Variants in LRRK2 observed in about 807,000 individuals in gnomAD.
The protein encoded by LRRK2 is leucine-rich repeat serine/threonine-protein kinase 2.
LRRK2 carries 203 observed loss-of-function variants against 302.6 expected under a neutral mutation model. That is an observed-to-expected ratio of 0.67 (90% CI 0.60 to 0.75). The LOEUF is 0.75. LRRK2 is among the 30% of genes least tolerant of loss of function. The pLI is 0.00. For missense variants in LRRK2, 2,830 were observed against 2,951.0 expected, an observed-to-expected ratio of 0.96 and a Z score of 0.95; for synonymous variants, 1,066 against 1,031.9, an observed-to-expected ratio of 1.03 and a Z score of -0.63.
intron 40 of LRRK2, 61 bp from the exon 41 acceptor site, chr12:40,340,233 G>A: frequency 1.9e-6 from 3 of 1,560,076 alleles, no homozygotes; most frequent in Non-Finnish European, 2.6e-6. Context: ...AAGGAAATTA[G>A]GACAAAAATT....
At chr12:40,312,988 TG>T (rs1439435340) in intron 31 of LRRK2, 1 of 100,246 alleles carries the variant, frequency 1.0e-5, no homozygotes, top group Non-Finnish European at 2.1e-5. Flanking sequence ...CAGGTAAATA[TG>T]GAAGTAATGG....
intron 25 of LRRK2, among the ~76,000 whole-genome samples, chr12:40,302,039 A>G (rs1480982682): frequency 1.3e-5 from 2 of 151,944 alleles, no homozygotes; most frequent in African/African-American, 2.4e-5. Flanking sequence ...TTAGCTGGAC[A>G]TGATGGCACC....
intron 10 of LRRK2, among the ~76,000 whole-genome samples, chr12:40,252,185 T>C (rs1321756615): frequency 6.6e-6 from 1 of 152,230 alleles, no homozygotes; most frequent in Non-Finnish European, 1.5e-5. Flanking sequence ...ATACTTGTGC[T>C]ATTTGCAATG....
rs553866762 is a variant in LRRK2 at position 40,270,139 on chromosome 12, AT to A, written c.1657-4443del. Among the ~76,000 whole-genome samples, 39 of 152,294 alleles carry A rather than the reference AT, an allele frequency of 2.6e-4. No individual in the cohort carries two copies. The South Asian group carries it at 7.9e-3, about 31-fold the overall frequency. On this transcript the variant is annotated intron_variant, in intron 14 of 50. Coordinates refer to ENST00000298910, the MANE Select transcript of LRRK2 (RefSeq NM_198578.4). The stretch of plus-strand genomic sequence containing the variant: ...GTCAGTATAATGCTTGGCACATAGT[AT>A]GCGCTCAATAAATGTTAATGTTATT...
At chr12:40,270,434 C>T (rs1943183290) in intron 14 of LRRK2, among the ~76,000 whole-genome samples, 1 of 151,976 alleles carries the variant, frequency 6.6e-6, no homozygotes, top group African/African-American at 2.4e-5. Context: ...GTCTGAATTT[C>T]TTTAGAAAAG....
At position 40,304,000 on chromosome 12, in the gene LRRK2, G is replaced by T. The variant is rs143710836; in HGVS notation, c.3643G>T (p.Ala1215Ser). 6.2e-7 allele frequency: 1 copy of T among 1,613,610 alleles called. No homozygotes were observed. ...TGATATTCAGTACCTACCAGGTCCC[G>T]CACACTGGAAATCTTTGAACTTAAG... ...SNDIQYLPGP[A>S]HWKSLNLREL... The change falls in exon 27 of 51, where the codon GCA (alanine) becomes TCA (serine). Residue 1215 changes from alanine to serine, a missense_variant. Physicochemically the swap from Ala to Ser is moderately conservative, Grantham distance 99. Transcript: ENST00000298910.
chr12:40,304,810 G>C (rs1311869140), intron 27 of LRRK2: 1 of 151,788 alleles, frequency 6.6e-6, no homozygotes, highest in Non-Finnish European at 1.5e-5. Context: ...ATGGTAAATG[G>C]ATATGGTAAC....
rs1592256321 is a variant in LRRK2, at chr12:40,302,844, A to G, written c.3552A>G (p.Lys1184=). The change falls in exon 26 of 51, where the codon AAA becomes AAG. Residue 1184 remains lysine, a synonymous_variant. Transcript: ENST00000298910. ...SMTILKLSQN[K]FSCIPEAILN... ...CAATCCTAAAATTATCTCAGAACAAATTTTCCTGTATTCCAGAAGCAATTT... is the reference window on the plus strand; with the variant it reads ...CAATCCTAAAATTATCTCAGAACAAGTTTTCCTGTATTCCAGAAGCAATTT... 1.2e-6 allele frequency: 2 copies of G among 1,610,838 alleles called. No individual in the cohort carries two copies. Among genetic ancestry groups the G allele is most frequent in the African/African-American group, 1.3e-5 (1 of 74,922 alleles).
At chr12:40,301,338 C>A (rs1445467877) in intron 25 of LRRK2, among the ~76,000 whole-genome samples, 1 of 152,096 alleles carries the variant, frequency 6.6e-6, no homozygotes, top group Non-Finnish European at 1.5e-5. Flanking sequence ...GCAGAAGAAT[C>A]GCTTGAACCA....
At chr12:40,315,166 T>G in intron 32 of LRRK2, 46 bp from the exon 33 acceptor site, 2 of 1,476,856 alleles carry the variant, frequency 1.4e-6, no homozygotes, top group East Asian at 2.3e-5. Flanking sequence ...CCCTTGATAT[T>G]TGTTCTAGAT....
intron 20 of LRRK2, among the ~76,000 whole-genome samples, chr12:40,292,811 TATG>T (rs1944209912): frequency 1.3e-5 from 2 of 152,010 alleles, no homozygotes; most frequent in Non-Finnish European, 2.9e-5. Flanking sequence ...TTATCTTTAA[TATG>T]ATTTTTTTAT....
chr12:40,350,669 T>C (rs377079452), intron 43 of LRRK2, among the ~76,000 whole-genome samples: 1 of 152,182 alleles, frequency 6.6e-6, no homozygotes, highest in Non-Finnish European at 1.5e-5. Flanking sequence ...AATGACTTTA[T>C]CAAATATTAC....
chr12:40,232,459 T>G (rs1262865452), intron 3 of LRRK2, 76 bp downstream of exon 3: 2 of 1,048,170 alleles, frequency 1.9e-6, no homozygotes, highest in East Asian at 2.4e-5. Context: ...CTTGATACAC[T>G]GTGTTTGCAA....
chr12:40,317,497 C>A (rs1336563262), intron 33 of LRRK2, among the ~76,000 whole-genome samples: 1 of 152,002 alleles, frequency 6.6e-6, no homozygotes, highest in East Asian at 1.9e-4. Flanking sequence ...TGAGCCCACC[C>A]ACTCTATGCG....
intron 35 of LRRK2, 23 bp from the exon 36 acceptor site, chr12:40,322,012 T>A: frequency 6.2e-7 from 1 of 1,612,652 alleles, no homozygotes; most frequent in Non-Finnish European, 8.5e-7. Flanking sequence ...AAGCAGTTAA[T>A]AATTAATGGC....
intron 23 of LRRK2, among the ~76,000 whole-genome samples, chr12:40,296,672 T>C (rs939202799): frequency 1.3e-5 from 2 of 152,120 alleles, no homozygotes; most frequent in Non-Finnish European, 1.5e-5. Context: ...TTCCCCCTTT[T>C]TAAGCCTAAA....
chr12:40,264,736 C>A lies in LRRK2; in HGVS notation c.1656+835C>A, dbSNP rs1037656349. Among the ~76,000 whole-genome samples, 4 of 152,278 alleles carry A rather than the reference C, an allele frequency of 2.6e-5. No individual in the cohort carries two copies. In the East Asian group the frequency reaches 7.7e-4, roughly 29 times the overall value. On this transcript the variant is annotated intron_variant, in intron 14 of 50. Coordinates refer to ENST00000298910, the MANE Select transcript of LRRK2 (RefSeq NM_198578.4). ...GAAATGATTTGGTATACATTGTTTCCATTTTTTAGCATTTACATATCCATG... is the reference window on the plus strand; with the variant it reads ...GAAATGATTTGGTATACATTGTTTCAATTTTTTAGCATTTACATATCCATG...
chr12:40,258,171 G>T (rs1942606469), intron 12 of LRRK2, among the ~76,000 whole-genome samples: 1 of 152,124 alleles, frequency 6.6e-6, no homozygotes, highest in African/African-American at 2.4e-5. Flanking sequence ...AAGGGATTAG[G>T]ATAATGCCTG....
intron 19 of LRRK2, among the ~76,000 whole-genome samples, chr12:40,285,257 A>T (rs147255640): frequency 3.3e-5 from 5 of 152,184 alleles, no homozygotes; most frequent in African/African-American, 1.2e-4. Flanking sequence ...CATTCACCAC[A>T]TTATATAATT....
Sources: allele counts gnomAD v4.1 joint callset (sites outside exome capture counted in the v4.1 genomes callset), GRCh38; gene constraint gnomAD v4.1.1; transcripts MANE v1.5; gene names NCBI Gene and HGNC (gene_info 2026-07-23, HGNC 2026-07-21).